The following SLC13A3 variants were observed in gnomAD, a reference collection of about 807,000 sequenced individuals.
SLC13A3 encodes solute carrier family 13 member 3, also known as Na(+)/dicarboxylate cotransporter 3.
Under a neutral mutation model 59.0 loss-of-function variants are expected in SLC13A3, and 40 were observed. The ratio of observed to expected loss-of-function variants is 0.68; its 90% CI spans 0.53 to 0.88. The LOEUF (loss-of-function observed/expected upper bound fraction) is 0.88. Ranked by LOEUF, SLC13A3 falls within the 40% of genes least tolerant of loss-of-function variation. SLC13A3 has a pLI of 0.00. For missense variants in SLC13A3, 699 were observed against 783.2 expected (o/e 0.89, Z 1.28); for synonymous variants, 317 against 330.3 (o/e 0.96, Z 0.44).
At chr20:46,605,903 C>T (rs113418327) in intron 3 of SLC13A3, among the ~76,000 whole-genome samples, 139 of 152,302 alleles carry the variant, frequency 9.1e-4, no homozygotes, top group African/African-American at 3.3e-3. Context: ...CCAAGTTAAG[C>T]AGGTTTATAT....
chr20:46,609,578 C>G (rs1007511164), intron 3 of SLC13A3, among the ~76,000 whole-genome samples: 1 of 152,180 alleles, frequency 6.6e-6, no homozygotes, highest in African/African-American at 2.4e-5. Flanking sequence ...ACATTGCTTA[C>G]AAAATCTTTT....
intron 1 of SLC13A3, among the ~76,000 whole-genome samples, chr20:46,633,986 T>C (rs1320949608): frequency 6.6e-6 from 1 of 152,222 alleles, no homozygotes; most frequent in Non-Finnish European, 1.5e-5. Context: ...GCCACGATCC[T>C]ACCATGGTGG....
chr20:46,660,845 T>C (rs1278900336), intron 1 of SLC13A3, among the ~76,000 whole-genome samples: 2 of 152,172 alleles, frequency 1.3e-5, no homozygotes, highest in Non-Finnish European at 2.9e-5. Flanking sequence ...TTTCCTTCTC[T>C]ACGTGTTTCA....
intron 9 of SLC13A3, among the ~76,000 whole-genome samples, chr20:46,579,138 T>G (rs1294691929): frequency 6.6e-6 from 1 of 151,148 alleles, no homozygotes; most frequent in Admixed American, 6.6e-5. Context: ...TCCCCCTCGA[T>G]TTTTCTTTTT....
chr20:46,580,915 A>G lies in SLC13A3; in HGVS notation c.1219+2657T>C, dbSNP rs148399901. Among the ~76,000 whole-genome samples, 733 of 152,316 alleles carry G rather than the reference A, an allele frequency of 4.8e-3. 7 individuals are homozygous for G. The highest frequency in any genetic ancestry group is 0.017 in the African/African-American group (702 of 41,566). ...TTTCATGGCAATGATTCAACAACCT[A>G]AAAGTTAACACCCTTATCCTAGAAA... is the stretch of plus-strand genomic sequence containing the variant. On this transcript the variant is annotated intron_variant, in intron 9 of 12. Coordinates refer to ENST00000279027, the MANE Select transcript of SLC13A3 (RefSeq NM_022829.6).
At chr20:46,589,423 C>T (rs2062230344) in intron 6 of SLC13A3, among the ~76,000 whole-genome samples, 168 bp from the exon 7 acceptor site, 1 of 152,186 alleles carries the variant, frequency 6.6e-6, no homozygotes, top group South Asian at 2.1e-4. Flanking sequence ...AGTTGTTCTC[C>T]CCACGTATAG....
chr20:46,584,194 G>T, intron 8 of SLC13A3: 2 of 985,326 alleles, frequency 2.0e-6, no homozygotes, highest in Non-Finnish European at 2.4e-6. Context: ...GGAGTTTTGC[G>T]CACATTAAGC....
intron 10 of SLC13A3, among the ~76,000 whole-genome samples, chr20:46,573,206 C>A (rs2062045534): frequency 1.3e-5 from 2 of 152,166 alleles, no homozygotes; most frequent in African/African-American, 4.8e-5. Flanking sequence ...CCTGAATGTG[C>A]CACCCAGATC....
intron 1 of SLC13A3, among the ~76,000 whole-genome samples, chr20:46,620,094 TA>T (rs1370142245): frequency 2.0e-5 from 3 of 152,228 alleles, no homozygotes; most frequent in Admixed American, 6.5e-5. Context: ...TCATCCTTGC[TA>T]TTGCAAAATT....
At chr20:46,585,377 AT>A (rs2062180213) in intron 8 of SLC13A3, 1 of 999,108 alleles carries the variant, frequency 1.0e-6, no homozygotes, top group Non-Finnish European at 1.2e-6. Flanking sequence ...CATTGTTTGA[AT>A]TTTTATGAGT....
At chr20:46,599,893 G>T in intron 4 of SLC13A3, 78 bp downstream of exon 4, 1 of 1,156,936 alleles carries the variant, frequency 8.6e-7, no homozygotes. Context: ...GAGGAAAATG[G>T]TTTGCAGCAT....
intron 1 of SLC13A3, among the ~76,000 whole-genome samples, chr20:46,677,647 C>T (rs1161979862): frequency 6.6e-6 from 1 of 151,976 alleles, no homozygotes; most frequent in African/African-American, 2.4e-5. Flanking sequence ...CCCGTGAGGC[C>T]CTGGGGAAGA....
rs906314234 is a variant in SLC13A3, at chr20:46,591,916, T to C, written c.920+488A>G. Reference sequence around the variant, plus strand: ...CTCACATCCCTGGGAGGTCAAGAAATGAGGATATGGCTAGCACGGTGGCTC... The same window carrying C: ...CTCACATCCCTGGGAGGTCAAGAAACGAGGATATGGCTAGCACGGTGGCTC... On this transcript the variant is annotated intron_variant, in intron 6 of 12. Coordinates refer to ENST00000279027, the MANE Select transcript of SLC13A3 (RefSeq NM_022829.6). Among the ~76,000 whole-genome samples, 8 of 152,086 alleles carry C rather than the reference T, an allele frequency of 5.3e-5. No individual in the cohort carries two copies. The East Asian group carries it at 1.5e-3, about 29-fold the overall frequency.
rs750305084 is a variant in SLC13A3, at chr20:46,610,491, T to G, written c.496A>C (p.Lys166Gln). 3.3e-5 allele frequency: 53 copies of G among 1,614,008 alleles called. No individual in the cohort carries two copies. The highest frequency in any genetic ancestry group is 4.3e-5 in the Non-Finnish European group (51 of 1,180,042). Residue 166 changes from lysine to glutamine, a missense_variant, in exon 3 of 13, where the codon AAG (lysine) becomes CAG (glutamine). Lys to Gln is a moderately conservative substitution (Grantham distance 53, BLOSUM62 1). Transcript: ENST00000279027. ...TGGCTGGGGTCCTTTCGAACCTCCT[T>G]CTGGCCAAAGAGACTTTTCAGGATG... is the stretch of plus-strand genomic sequence containing the variant. Reference protein sequence around the residue: ...NAILKSLFGQKEVRKDPSQES... With the variant: ...NAILKSLFGQQEVRKDPSQES...
At chr20:46,651,577 T>C (rs1379160986), upstream of SLC13A3, 2 of 1,293,964 alleles carry the variant, frequency 1.5e-6, no homozygotes, top group African/African-American at 1.6e-5. Flanking sequence ...CCTGCGCCCC[T>C]GGGACCGGGT....
At chr20:46,621,590 T>C (rs1050136951) in intron 1 of SLC13A3, among the ~76,000 whole-genome samples, 2 of 152,202 alleles carry the variant, frequency 1.3e-5, no homozygotes, top group Admixed American at 6.5e-5. Context: ...TATAGATGGT[T>C]CTGGAATAAA....
chr20:46,606,005 G>C (rs2062434416), intron 3 of SLC13A3, among the ~76,000 whole-genome samples: 1 of 152,190 alleles, frequency 6.6e-6, no homozygotes, highest in Admixed American at 6.5e-5. Flanking sequence ...AGAACAGTTA[G>C]TTCAATGGTC....
intron 10 of SLC13A3, among the ~76,000 whole-genome samples, chr20:46,570,109 A>C (rs1197247413): frequency 6.6e-6 from 1 of 152,190 alleles, no homozygotes; most frequent in Non-Finnish European, 1.5e-5. Context: ...AAACCACTGC[A>C]CCATTTACAA....
At chr20:46,648,788 C>G (rs1032415693) in intron 1 of SLC13A3, among the ~76,000 whole-genome samples, 1 of 151,906 alleles carries the variant, frequency 6.6e-6, no homozygotes, top group African/African-American at 2.4e-5. Flanking sequence ...GCTGATAGTC[C>G]CAGCTACTTG....
Sources: allele counts gnomAD v4.1 joint callset (sites outside exome capture counted in the v4.1 genomes callset), GRCh38; gene constraint gnomAD v4.1.1; transcripts MANE v1.5; gene names NCBI Gene and HGNC (gene_info 2026-07-23, HGNC 2026-07-21).